The following RPS6KA2 variants were observed in gnomAD, a reference collection of about 807,000 sequenced individuals.
RPS6KA2 encodes ribosomal protein S6 kinase alpha-2.
In RPS6KA2, 42 loss-of-function variants were observed where a neutral mutation model predicts 91.8. The observed-to-expected ratio is 0.46, with a 90% CI of 0.36 to 0.59. The LOEUF (loss-of-function observed/expected upper bound fraction) is 0.59. Among genes scored for constraint, RPS6KA2 ranks in the 20% least tolerant of loss-of-function variants. The pLI, the probability that RPS6KA2 is intolerant of heterozygous loss-of-function variation, is 0.00. For synonymous variants in RPS6KA2, 414 were observed against 393.6 expected, an observed-to-expected ratio of 1.05 and a Z score of -0.61; for missense variants, 798 against 978.5, an observed-to-expected ratio of 0.82 and a Z score of 2.46.
chr6:166,580,645 T>C (rs1402621861), intron 1 of RPS6KA2, among the ~76,000 whole-genome samples: 1 of 152,110 alleles, frequency 6.6e-6, no homozygotes, highest in Non-Finnish European at 1.5e-5. Context: ...CAAAAAGACC[T>C]GATTTTCAGT....
intron 1 of RPS6KA2, among the ~76,000 whole-genome samples, chr6:166,602,938 G>A (rs1785803274): frequency 6.6e-6 from 1 of 152,228 alleles, no homozygotes; most frequent in African/African-American, 2.4e-5. Flanking sequence ...AGTAGAGGAA[G>A]TTTTCTGCAA....
chr6:166,504,539 A>G lies in RPS6KA2; in HGVS notation c.533T>C (p.Leu178Pro). 1 of 1,613,666 alleles carries G rather than the reference A, an allele frequency of 6.2e-7. No homozygotes were observed. Among genetic ancestry groups the G allele is most frequent in the Non-Finnish European group, 8.5e-7 (1 of 1,179,638 alleles). Residue 178 changes from leucine to proline, a missense_variant, in exon 6 of 21, where the codon CTG (leucine) becomes CCG (proline). Coordinates refer to ENST00000265678, the MANE Select transcript of RPS6KA2 (RefSeq NM_021135.6). ...CTTCAGATCTCTGTAGATGATCCCC[A>G]GGCTGTGGAGATGGTCTAAAGCCAA... ...LALALDHLHS[L>P]GIIYRDLKPE...
At chr6:166,529,525 C>G (rs1333209646) in intron 3 of RPS6KA2, among the ~76,000 whole-genome samples, 1 of 151,932 alleles carries the variant, frequency 6.6e-6, no homozygotes, top group Non-Finnish European at 1.5e-5. Context: ...ACATATGTAA[C>G]AAACCTGCAC....
Position 166,557,115 on chromosome 6 carries a change from T to C in RPS6KA2, c.100-18331A>G, listed in dbSNP as rs1014102606. 6.6e-6 allele frequency among the ~76,000 whole-genome samples: 1 copy of C among 152,236 alleles called. No individual in the cohort carries two copies. Among genetic ancestry groups the C allele is most frequent in the African/African-American group, 2.4e-5 (1 of 41,462 alleles). On this transcript the variant is annotated intron_variant, in intron 1 of 20. Coordinates refer to ENST00000265678, the MANE Select transcript of RPS6KA2 (RefSeq NM_021135.6). The surrounding 1 kb of genome is among the most constrained non-coding windows in gnomAD (Gnocchi z 4.8). The stretch of plus-strand genomic sequence containing the variant: ...TCTCTTCCTGTTACCCAGTGCCAAG[T>C]GGCTGTGCTGAACAAGAGGGCACAA...
chr6:166,428,646 A>G (rs1257698847), intron 16 of RPS6KA2, among the ~76,000 whole-genome samples: 4 of 150,204 alleles, frequency 2.7e-5, no homozygotes, highest in African/African-American at 4.9e-5. Context: ...TGGGCGAAGG[A>G]CATGAACAGA....
At chr6:166,456,174 C>T (rs1392876183) in intron 12 of RPS6KA2, among the ~76,000 whole-genome samples, 2 of 152,224 alleles carry the variant, frequency 1.3e-5, no homozygotes, top group African/African-American at 2.4e-5. Flanking sequence ...CCTCTCCTCA[C>T]ACAGACCAAG....
chr6:166,409,481 T>C lies in RPS6KA2; in HGVS notation c.*3281A>G, dbSNP rs1426861475. The C allele has an allele frequency of 6.6e-6, 1 of 152,398 alleles. No homozygotes were observed. Among genetic ancestry groups the C allele is most frequent in the Non-Finnish European group, 1.5e-5 (1 of 68,034 alleles). The allele number at this position is 152,398 out of a possible 1,614,324, so 9.4% of individuals were successfully genotyped here. ...GTACAGTGGCCACCCATCTCAAACATGAATTACAAAGCAGGAACATAAAAA... is the reference window on the plus strand; with the variant it reads ...GTACAGTGGCCACCCATCTCAAACACGAATTACAAAGCAGGAACATAAAAA... On this transcript the variant is annotated 3_prime_UTR_variant, in exon 21 of 21. Coordinates refer to ENST00000265678, the MANE Select transcript of RPS6KA2 (RefSeq NM_021135.6).
intron 2 of RPS6KA2, among the ~76,000 whole-genome samples, chr6:166,855,252 T>C (rs1335526794): frequency 6.6e-6 from 1 of 152,132 alleles, no homozygotes; most frequent in East Asian, 1.9e-4. Flanking sequence ...TGGTAATGGC[T>C]ATGCTAGAAG....
At chr6:166,487,311 C>T (rs1373154374) in intron 10 of RPS6KA2, among the ~76,000 whole-genome samples, 2 of 152,298 alleles carry the variant, frequency 1.3e-5, no homozygotes, top group South Asian at 2.1e-4. Context: ...CACCCTGTGA[C>T]ATCACCCATG....
intron 2 of RPS6KA2, among the ~76,000 whole-genome samples, chr6:166,791,585 C>G (rs1779091579): frequency 6.6e-6 from 1 of 152,206 alleles, no homozygotes; most frequent in Non-Finnish European, 1.5e-5. Flanking sequence ...CCACATCACA[C>G]TTATTCCAAA....
At chr6:166,672,956 G>A (rs1007094318) in intron 2 of RPS6KA2, among the ~76,000 whole-genome samples, 8 of 152,190 alleles carry the variant, frequency 5.3e-5, no homozygotes, top group Admixed American at 2.0e-4. Context: ...TGATGTTGGC[G>A]TGGGCTTGCT....
At chr6:166,759,995 T>A (rs73264951) in intron 2 of RPS6KA2, among the ~76,000 whole-genome samples, 6,331 of 152,368 alleles carry the variant, frequency 0.042, 454 homozygotes, top group African/African-American at 0.14. Flanking sequence ...GTTTTAATTT[T>A]AAAATATGTA....
chr6:166,616,619 C>A (rs1176747517), intron 1 of RPS6KA2, among the ~76,000 whole-genome samples: 1 of 152,196 alleles, frequency 6.6e-6, no homozygotes, highest in Non-Finnish European at 1.5e-5. Flanking sequence ...GAAAATGGCT[C>A]CAAAGGCTCT....
Position 166,433,416 on chromosome 6 carries a change from C to T in RPS6KA2, c.1333-926G>A, listed in dbSNP as rs545809495. Among the ~76,000 whole-genome samples the T allele has an allele frequency of 2.1e-4, 32 of 152,264 alleles. No homozygotes were observed. Among genetic ancestry groups the T allele is most frequent in the African/African-American group, 5.5e-4 (23 of 41,554 alleles). On this transcript the variant is annotated intron_variant, in intron 14 of 20. Coordinates refer to ENST00000265678, the MANE Select transcript of RPS6KA2 (RefSeq NM_021135.6). This position sits in a 1 kb window ranked among gnomAD's most constrained non-coding sequence, Gnocchi z 4.4. ...TAAGCCTACCTTGGAAACAGGAAGTCGCTGTTGGTCCCTGGTGGCTAATCC... is the reference window on the plus strand; with the variant it reads ...TAAGCCTACCTTGGAAACAGGAAGTTGCTGTTGGTCCCTGGTGGCTAATCC...
At chr6:166,779,838 T>C (rs6905053) in intron 2 of RPS6KA2, among the ~76,000 whole-genome samples, 32,747 of 152,060 alleles carry the variant, frequency 0.22, 4,341 homozygotes, top group African/African-American at 0.37. Context: ...GGGCTAGCGT[T>C]GCCGACGGCT....
At chr6:166,616,508 G>C (rs1005567426) in intron 1 of RPS6KA2, among the ~76,000 whole-genome samples, 2 of 152,228 alleles carry the variant, frequency 1.3e-5, no homozygotes, top group African/African-American at 4.8e-5. Flanking sequence ...CGGTACAGTT[G>C]CGGACAGCTC....
chr6:166,854,423 A>T (rs1780830434), intron 2 of RPS6KA2, among the ~76,000 whole-genome samples: 1 of 152,224 alleles, frequency 6.6e-6, no homozygotes, highest in African/African-American at 2.4e-5. Flanking sequence ...CAGTGAAAGT[A>T]CTCACAAGTT....
chr6:166,426,750 A>G (rs1331310241), intron 16 of RPS6KA2, among the ~76,000 whole-genome samples: 1 of 117,162 alleles, frequency 8.5e-6, no homozygotes, highest in East Asian at 2.4e-4. Context: ...AGACTAAACC[A>G]GGAAGAAGTT....
intron 19 of RPS6KA2, among the ~76,000 whole-genome samples, chr6:166,415,136 T>C (rs1778455090): frequency 1.3e-5 from 2 of 152,246 alleles, no homozygotes; most frequent in Admixed American, 6.5e-5. Flanking sequence ...TTTTGGGTCA[T>C]GAAACAACTA....
Sources: gnomAD v4.1 joint callset for allele counts (sites outside exome capture counted in the v4.1 genomes callset) on GRCh38, gnomAD v4.1.1 for gene constraint, Gnocchi (gnomAD v3.1) non-coding constraint, MANE v1.5 for transcripts, NCBI Gene and HGNC (gene_info 2026-07-23, HGNC 2026-07-21) for gene names.